The following IPO8 variants were observed in gnomAD, a reference collection of about 807,000 sequenced individuals.
IPO8 encodes the protein importin 8.
IPO8 carries 65 observed loss-of-function variants against 141.2 expected under a neutral mutation model. The ratio of observed to expected loss-of-function variants is 0.46; its 90% CI spans 0.38 to 0.57. The LOEUF (loss-of-function observed/expected upper bound fraction) is 0.57. Ranked by LOEUF, IPO8 falls within the 20% of genes least tolerant of loss-of-function variation. The pLI is 0.00. For synonymous variants in IPO8, 411 were observed against 420.3 expected (o/e 0.98, Z 0.27); for missense variants, 980 against 1,246.8 (o/e 0.79, Z 3.22).
chr12:30,677,679 ATG>A (rs1219717892), intron 5 of IPO8, among the ~76,000 whole-genome samples: 1 of 152,100 alleles, frequency 6.6e-6, no homozygotes, highest in South Asian at 2.1e-4. Flanking sequence ...GCCTAGGCTA[ATG>A]TGTGTGTGTC....
chr12:30,677,086 C>T (rs1433818787), intron 5 of IPO8: 1 of 1,514,514 alleles, frequency 6.6e-7, no homozygotes, highest in Non-Finnish European at 8.8e-7. Context: ...ATATTGCCTC[C>T]ACATCCATTC....
At chr12:30,648,193 T>C (rs2052675086) in intron 20 of IPO8, among the ~76,000 whole-genome samples, 1 of 152,200 alleles carries the variant, frequency 6.6e-6, no homozygotes, top group East Asian at 1.9e-4. Context: ...CAACAACTGA[T>C]GAATGGATAA....
intron 19 of IPO8, among the ~76,000 whole-genome samples, chr12:30,651,563 A>ATG (rs376066408): frequency 0.013 from 2,008 of 151,136 alleles, 30 homozygotes; most frequent in African/African-American, 0.044. Flanking sequence ...TTTCATATTT[A>ATG]TGTGTGTGTG....
chr12:30,661,313 G>A (rs775356138), intron 15 of IPO8, 47 bp from the exon 16 acceptor site: 88 of 1,485,290 alleles, frequency 5.9e-5, no homozygotes, highest in Middle Eastern at 1.8e-4. Flanking sequence ...GTACTGTTAC[G>A]TCCCCGCTTT....
intron 6 of IPO8, among the ~76,000 whole-genome samples, 185 bp downstream of exon 6, chr12:30,676,313 T>C (rs1352373938): frequency 6.6e-6 from 1 of 152,226 alleles, no homozygotes; most frequent in Non-Finnish European, 1.5e-5. Context: ...AAAACAGTTT[T>C]CATTTTTGGT....
intron 16 of IPO8, among the ~76,000 whole-genome samples, chr12:30,659,488 G>T (rs1273570334): frequency 7.5e-6 from 1 of 132,474 alleles, no homozygotes; most frequent in African/African-American, 3.0e-5. Context: ...AGCAAGACTT[G>T]TCTCAAACAA....
At chr12:30,657,587 CCATT>C (rs1461502584) in intron 16 of IPO8, among the ~76,000 whole-genome samples, 2 of 152,108 alleles carry the variant, frequency 1.3e-5, no homozygotes, top group Admixed American at 6.5e-5. Context: ...ACATAAAAGG[CCATT>C]CATTCATTTC....
rs2052883395 is a variant in IPO8 at position 30,661,286 on chromosome 12, G to A, written c.1756-20C>T. 6.4e-7 allele frequency: 1 copy of A among 1,569,210 alleles called. No homozygotes were observed. The highest frequency in any genetic ancestry group is 8.6e-7 in the Non-Finnish European group (1 of 1,161,366). ...CTCAGCCTATGAAAATAACATTAAA[G>A]TATTCCGCAATTAGTAGTACTGTTA... is the stretch of plus-strand genomic sequence containing the variant. On this transcript the variant is annotated intron_variant, in intron 15 of 24. Coordinates refer to ENST00000256079, the MANE Select transcript of IPO8 (RefSeq NM_006390.4).
intron 20 of IPO8, among the ~76,000 whole-genome samples, chr12:30,640,001 G>A (rs565137259): frequency 4.5e-4 from 69 of 152,284 alleles, no homozygotes; most frequent in South Asian, 2.5e-3. Context: ...TGTCCTGTAA[G>A]AGTCCACGCT....
chr12:30,645,262 A>C (rs1318386021), intron 20 of IPO8, among the ~76,000 whole-genome samples: 3 of 151,868 alleles, frequency 2.0e-5, no homozygotes, highest in Non-Finnish European at 4.4e-5. Flanking sequence ...AATACCAGCT[A>C]CTTGGGAGGT....
In IPO8 at chr12:30,662,438, CA is replaced by C. The variant is rs1419819019; in HGVS notation, c.1643del (p.Leu548CysfsTer19). On this transcript the variant is annotated frameshift_variant, in exon 15 of 25. Coordinates refer to ENST00000256079, the MANE Select transcript of IPO8 (RefSeq NM_006390.4). LOFTEE classifies it high-confidence loss of function. Reference protein sequence around the residue: ...PHVRPIMQELLHIVRETENDD... With the variant: ...PHVRPIMQELXHIVRETENDD... ...CATTTTCTGTCTCTCTAACAATGTG[CA>C]ACAGTTCCTGCATAATAGGCCTCAC... is the stretch of plus-strand genomic sequence containing the variant. 2 of 1,612,778 alleles carry C rather than the reference CA, an allele frequency of 1.2e-6. No individual in the cohort carries two copies. The highest frequency in any genetic ancestry group is 1.7e-6 in the Non-Finnish European group (2 of 1,179,214).
intron 8 of IPO8, among the ~76,000 whole-genome samples, chr12:30,671,835 T>A (rs989301813): frequency 1.6e-4 from 25 of 152,018 alleles, no homozygotes; most frequent in Non-Finnish European, 3.5e-4. Flanking sequence ...AGTATTGGCA[T>A]AACTGATTAG....
At position 30,673,977 on chromosome 12, in the gene IPO8, A is replaced by C; in HGVS notation, c.909+13T>G. 6.6e-7 allele frequency: 1 copy of C among 1,508,778 alleles called. No individual in the cohort carries two copies. Among genetic ancestry groups the C allele is most frequent in the Non-Finnish European group, 9.1e-7 (1 of 1,097,542 alleles). The allele number at this position is 1,508,778 out of a possible 1,614,324, so 93.5% of individuals were successfully genotyped here. ...GTAACCATTATTCTATTTTAAAAGC[A>C]TAAGTTTATTACCTGCTGAATGCCC... On this transcript the variant is annotated intron_variant, in intron 8 of 24. Transcript: ENST00000256079.
Position 30,665,262 on chromosome 12 carries a change from T to TA in IPO8, c.1385dup (p.Phe463IlefsTer7). On this transcript the variant is annotated frameshift_variant, in exon 13 of 25. Coordinates refer to ENST00000256079, the MANE Select transcript of IPO8 (RefSeq NM_006390.4). LOFTEE classifies it high-confidence loss of function. ...CCAGGTTAGACAATAATAATGGAAA[T>TA]ACATGATTTTGTAGAAACAGCTCCA... The TA allele has an allele frequency of 1.9e-6, 3 of 1,600,654 alleles. No homozygotes were observed. The highest frequency in any genetic ancestry group is 2.6e-6 in the Non-Finnish European group (3 of 1,170,708).
intron 9 of IPO8, among the ~76,000 whole-genome samples, chr12:30,669,889 C>A (rs2053025211): frequency 6.6e-6 from 1 of 152,156 alleles, no homozygotes; most frequent in African/African-American, 2.4e-5. Flanking sequence ...CTACTAATGT[C>A]CTATTAAGCC....
intron 20 of IPO8, among the ~76,000 whole-genome samples, chr12:30,647,104 AAG>A (rs1385131807): frequency 2.6e-5 from 4 of 152,200 alleles, no homozygotes; most frequent in Non-Finnish European, 5.9e-5. Context: ...GTACTGGAAT[AAG>A]AACAGATAAG....
intron 2 of IPO8, among the ~76,000 whole-genome samples, chr12:30,689,681 G>A (rs909717913): frequency 1.3e-5 from 2 of 151,982 alleles, no homozygotes; most frequent in African/African-American, 2.4e-5. Context: ...ATCCTTCTAC[G>A]TGAACACATG....
intron 23 of IPO8, among the ~76,000 whole-genome samples, chr12:30,633,019 G>A (rs2052454184): frequency 6.6e-6 from 1 of 152,162 alleles, no homozygotes. Flanking sequence ...CCTCCTTGGT[G>A]ATTATGACAC....
chr12:30,649,129 T>C lies in IPO8; in HGVS notation c.2268+8A>G, dbSNP rs375905037. 2 of 1,591,382 alleles carry C rather than the reference T, an allele frequency of 1.3e-6. No individual in the cohort carries two copies. The highest frequency in any genetic ancestry group is 2.7e-5 in the African/African-American group (2 of 74,456). On this transcript the variant is annotated splice_region_variant and intron_variant, in intron 20 of 24. Transcript: ENST00000256079. ...CCTCAAGTAAGGCACTTTCCAGACATATATTACCTGATCAATTCCCCTTCC... is the reference window on the plus strand; with the variant it reads ...CCTCAAGTAAGGCACTTTCCAGACACATATTACCTGATCAATTCCCCTTCC...
Sources: allele counts gnomAD v4.1 joint callset (sites outside exome capture counted in the v4.1 genomes callset), GRCh38; gene constraint gnomAD v4.1.1; transcripts MANE v1.5; gene names NCBI Gene and HGNC (gene_info 2026-07-23, HGNC 2026-07-21).